Variants in PTPRK observed in about 807,000 individuals in gnomAD.
PTPRK encodes the protein protein tyrosine phosphatase receptor type K.
PTPRK carries 75 observed loss-of-function variants against 178.0 expected under a neutral mutation model. The ratio of observed to expected loss-of-function variants is 0.42; its 90% CI spans 0.35 to 0.51. PTPRK has a LOEUF of 0.51. PTPRK is among the 20% of genes least tolerant of loss of function. The pLI is 0.02. For missense variants in PTPRK, 1,441 were observed against 1,797.8 expected, an observed-to-expected ratio of 0.80 and a Z score of 3.59; for synonymous variants, 637 against 620.6, an observed-to-expected ratio of 1.03 and a Z score of -0.39.
chr6:128,446,155 T>G (rs1320182794), intron 1 of PTPRK, among the ~76,000 whole-genome samples: 1 of 152,216 alleles, frequency 6.6e-6, no homozygotes, highest in Admixed American at 6.5e-5. Flanking sequence ...GATAAGCGAT[T>G]TCCAGATAAA....
intron 3 of PTPRK, among the ~76,000 whole-genome samples, chr6:128,252,626 G>A (rs1816644032): frequency 6.6e-6 from 1 of 152,030 alleles, no homozygotes; most frequent in South Asian, 2.1e-4. Context: ...TTATATACTT[G>A]CTTTCTCAAG....
intron 2 of PTPRK, among the ~76,000 whole-genome samples, chr6:128,385,123 C>A (rs1349511073): frequency 2.0e-5 from 3 of 149,102 alleles, no homozygotes; most frequent in Non-Finnish European, 4.5e-5. Flanking sequence ...TTTTAAAATA[C>A]TGGTATTATT....
chr6:128,105,134 T>C (rs201888686), intron 7 of PTPRK, among the ~76,000 whole-genome samples: 12 of 151,808 alleles, frequency 7.9e-5, no homozygotes, highest in South Asian at 4.2e-4. Flanking sequence ...TTATTTCTTT[T>C]TTTTTTTTTT....
At chr6:128,124,344 G>A (rs1212815197) in intron 7 of PTPRK, among the ~76,000 whole-genome samples, 2 of 152,198 alleles carry the variant, frequency 1.3e-5, no homozygotes, top group Middle Eastern at 3.4e-3. Context: ...CACCATGAGA[G>A]GCCCTATTCA....
chr6:128,008,282 C>T (rs1246173667), intron 14 of PTPRK, among the ~76,000 whole-genome samples: 1 of 150,870 alleles, frequency 6.6e-6, no homozygotes, highest in Non-Finnish European at 1.5e-5. Context: ...TCACTGATCA[C>T]AACCACTTCT....
rs144206540 is a variant in PTPRK, at chr6:128,495,764, C to T, written c.100+24495G>A. Among the ~76,000 whole-genome samples the T allele has an allele frequency of 2.3e-3, 355 of 152,298 alleles. 3 individuals are homozygous for T. The highest frequency in any genetic ancestry group is 7.9e-3 in the African/African-American group (328 of 41,544). Reference sequence around the variant, plus strand: ...AGTCGTCATCGTTAGTTATAAGGTCCTGCATGCTCTGGCTTTTACCTGAAG... The same window carrying T: ...AGTCGTCATCGTTAGTTATAAGGTCTTGCATGCTCTGGCTTTTACCTGAAG... On this transcript the variant is annotated intron_variant, in intron 1 of 29. Transcript: ENST00000368226.
chr6:128,354,556 C>T (rs1833711157), intron 2 of PTPRK, among the ~76,000 whole-genome samples: 1 of 152,042 alleles, frequency 6.6e-6, no homozygotes, highest in South Asian at 2.1e-4. Flanking sequence ...TTTAATGTTA[C>T]GATATATCTC....
intron 13 of PTPRK, among the ~76,000 whole-genome samples, chr6:128,030,240 G>A (rs528214211): frequency 9.7e-4 from 148 of 152,260 alleles, no homozygotes; most frequent in Non-Finnish European, 1.7e-3. Context: ...TAACACTGAC[G>A]GAAACTGGGC....
rs551638282 is a variant in PTPRK at position 128,398,837 on chromosome 6, C to T, written c.101-1149G>A. ...GGTCTTTTTAAACGGGGGTAGCATTCCCCATTTGCATCAGTCATGGTTTTT... is the reference window on the plus strand; with the variant it reads ...GGTCTTTTTAAACGGGGGTAGCATTTCCCATTTGCATCAGTCATGGTTTTT... On this transcript the variant is annotated intron_variant, in intron 1 of 29. Transcript: ENST00000368226. Among the ~76,000 whole-genome samples the T allele has an allele frequency of 7.2e-4, 110 of 152,248 alleles. 4 individuals carry two copies. The South Asian group carries it at 0.023, about 31-fold the overall frequency.
intron 7 of PTPRK, among the ~76,000 whole-genome samples, chr6:128,125,606 T>C (rs1205338090): frequency 3.2e-5 from 4 of 125,032 alleles, no homozygotes; most frequent in Non-Finnish European, 7.1e-5. Context: ...GCTTTTCTTT[T>C]TTTTTTTTTT....
At chr6:128,165,591 A>G (rs947671077) in intron 7 of PTPRK, among the ~76,000 whole-genome samples, 1 of 151,052 alleles carries the variant, frequency 6.6e-6, no homozygotes, top group African/African-American at 2.4e-5. Flanking sequence ...ATATGAATAT[A>G]TAAATACCAA....
intron 3 of PTPRK, among the ~76,000 whole-genome samples, chr6:128,285,357 A>C (rs1822308603): frequency 6.6e-6 from 1 of 151,784 alleles, no homozygotes. Flanking sequence ...TCTACTAAAA[A>C]TACAAAAATT....
Position 127,990,775 on chromosome 6 carries a change from C to A in PTPRK, c.3090G>T (p.Leu1030=). 6.3e-7 allele frequency: 1 copy of A among 1,588,870 alleles called. No homozygotes were observed. ...LAEYVVRTFT[L]ERRGYNEIRE... is the part of the protein sequence containing the mutation. Reference sequence around the variant, plus strand: ...AGAATTTTAGAGTACTTACCCTTTCCAGGGTGAATGTCCTAACTACATATT... The same window carrying A: ...AGAATTTTAGAGTACTTACCCTTTCAAGGGTGAATGTCCTAACTACATATT... The change falls in exon 21 of 30, where the codon CTG becomes CTT. Residue 1030 remains leucine (L), a synonymous_variant. Coordinates refer to ENST00000368226, the MANE Select transcript of PTPRK (RefSeq NM_002844.4).
chr6:128,180,160 A>G (rs1801691228), intron 7 of PTPRK, among the ~76,000 whole-genome samples: 1 of 152,088 alleles, frequency 6.6e-6, no homozygotes, highest in Non-Finnish European at 1.5e-5. Flanking sequence ...TAAAAGAGCA[A>G]TTTTAACATG....
chr6:127,990,835 G>A lies in PTPRK; in HGVS notation c.3030C>T (p.Phe1010=). The A allele has an allele frequency of 6.2e-7, 1 of 1,612,188 alleles. No individual in the cohort carries two copies. The highest frequency in any genetic ancestry group is 8.5e-7 in the Non-Finnish European group (1 of 1,178,684). ...WPDDTEVYGD[F]KVTCVEMEPL... ...GTTCCATTTCTACACACGTTACTTT[G>A]AAGTCACCATAAACTTCAGTATCAT... is the stretch of plus-strand genomic sequence containing the variant. Residue 1010 remains phenylalanine (F), a synonymous_variant, in exon 21 of 30, where the codon TTC becomes TTT. Coordinates refer to ENST00000368226, the MANE Select transcript of PTPRK (RefSeq NM_002844.4).
intron 13 of PTPRK, chr6:128,062,288 T>A (rs1038471346): frequency 6.0e-6 from 1 of 166,558 alleles, no homozygotes; most frequent in Non-Finnish European, 1.5e-5. Context: ...CATAGCTCAC[T>A]GCAGCCTCAA....
chr6:128,259,527 C>G (rs1012653202), intron 3 of PTPRK, among the ~76,000 whole-genome samples: 2 of 152,034 alleles, frequency 1.3e-5, no homozygotes, highest in African/African-American at 4.8e-5. Flanking sequence ...TGCCACCTGT[C>G]AAAATATTAG....
intron 2 of PTPRK, among the ~76,000 whole-genome samples, chr6:128,345,136 T>C (rs1185512445): frequency 2.0e-5 from 3 of 151,898 alleles, no homozygotes; most frequent in African/African-American, 7.3e-5. Context: ...AGCAAGTTTT[T>C]CCACTTATAT....
intron 2 of PTPRK, among the ~76,000 whole-genome samples, chr6:128,327,806 C>T (rs1890544): frequency 0.97 from 147,786 of 152,258 alleles, 71,870 homozygotes; most frequent in East Asian, 1. Flanking sequence ...CCTTAAAGAA[C>T]AATCAAAGTA....
Sources: allele counts gnomAD v4.1 joint callset (sites outside exome capture counted in the v4.1 genomes callset), GRCh38; gene constraint gnomAD v4.1.1; transcripts MANE v1.5; gene names NCBI Gene and HGNC (gene_info 2026-07-23, HGNC 2026-07-21).